The following ARHGAP15 variants were observed in gnomAD, a reference collection of about 807,000 sequenced individuals.
ARHGAP15 encodes Rho GTPase activating protein 15.
In ARHGAP15, 51 loss-of-function variants were observed where a neutral mutation model predicts 63.7. The observed-to-expected ratio is 0.80, with a 90% CI of 0.64 to 1.01. The LOEUF is 1.01. Among genes scored for constraint, ARHGAP15 ranks in the 50% least tolerant of loss-of-function variants. The pLI, the probability that ARHGAP15 is intolerant of heterozygous loss-of-function variation, is 0.00. For missense variants in ARHGAP15, 560 were observed against 564.6 expected (o/e 0.99, Z 0.08); for synonymous variants, 191 against 193.8 (o/e 0.99, Z 0.12).
At chr2:143,277,155 A>G (rs368654954) in intron 6 of ARHGAP15, among the ~76,000 whole-genome samples, 30 of 152,084 alleles carry the variant, frequency 2.0e-4, no homozygotes, top group East Asian at 1.4e-3. Context: ...CCCCTCTAGT[A>G]TGCCCAGGCA....
At chr2:143,465,710 A>T (rs61397287) in intron 8 of ARHGAP15, among the ~76,000 whole-genome samples, 14,617 of 152,022 alleles carry the variant, frequency 0.096, 876 homozygotes, top group African/African-American at 0.17. Flanking sequence ...AAGAAAAATA[A>T]GTTTTTTTTT....
At chr2:143,505,164 C>T (rs982872983) in intron 9 of ARHGAP15, among the ~76,000 whole-genome samples, 4 of 152,108 alleles carry the variant, frequency 2.6e-5, no homozygotes, top group African/African-American at 7.2e-5. Flanking sequence ...TGTGTTTTAC[C>T]AACTAATATC....
At chr2:143,627,965 T>C (rs1282828353) in intron 12 of ARHGAP15, among the ~76,000 whole-genome samples, 1 of 152,052 alleles carries the variant, frequency 6.6e-6, no homozygotes, top group Non-Finnish European at 1.5e-5. Context: ...GTTTTTCAAC[T>C]CTTGCTCACC....
chr2:143,410,420 A>T (rs1482177957), intron 6 of ARHGAP15, among the ~76,000 whole-genome samples: 1 of 152,210 alleles, frequency 6.6e-6, no homozygotes, highest in East Asian at 1.9e-4. Context: ...CAATACACCC[A>T]CTTTTATGTC....
At chr2:143,429,791 T>C (rs1035318696) in intron 6 of ARHGAP15, among the ~76,000 whole-genome samples, 3 of 152,138 alleles carry the variant, frequency 2.0e-5, no homozygotes, top group African/African-American at 7.2e-5. Flanking sequence ...TCAACATCTT[T>C]AGATATGTAG....
intron 6 of ARHGAP15, among the ~76,000 whole-genome samples, chr2:143,405,574 A>G (rs1319644973): frequency 6.6e-6 from 1 of 151,876 alleles, no homozygotes. Flanking sequence ...AATTCTCAGT[A>G]AGTTTTAGCT....
At chr2:143,765,525 G>T (rs567485423) in intron 13 of ARHGAP15, among the ~76,000 whole-genome samples, 29 of 152,250 alleles carry the variant, frequency 1.9e-4, no homozygotes, top group Non-Finnish European at 4.0e-4. Context: ...AGGTACAAAT[G>T]CTATCTGCTT....
At chr2:143,415,799 A>C (rs1036854410) in intron 6 of ARHGAP15, among the ~76,000 whole-genome samples, 2 of 152,318 alleles carry the variant, frequency 1.3e-5, no homozygotes, top group African/African-American at 4.8e-5. Context: ...AAGCCATAAA[A>C]ATGAATGAAT....
At chr2:143,244,331 A>G (rs768200648) in intron 5 of ARHGAP15, among the ~76,000 whole-genome samples, 1 of 152,218 alleles carries the variant, frequency 6.6e-6, no homozygotes, top group Non-Finnish European at 1.5e-5. Context: ...GAGTTGTAAC[A>G]CAGTATGTTT....
rs117724821 is a variant in ARHGAP15 at position 143,720,718 on chromosome 2, C to A, written c.1244+17194C>A. ...CACTAGCTTCCCTAAAAGAGGCACA[C>A]GACTTCCCAAACTTCAGTGTGCTCA... On this transcript the variant is annotated intron_variant, in intron 13 of 13. Coordinates refer to ENST00000295095, the MANE Select transcript of ARHGAP15 (RefSeq NM_018460.4). 2.6e-4 allele frequency among the ~76,000 whole-genome samples: 39 copies of A among 152,264 alleles called. 1 individual carries two copies. The East Asian group carries it at 7.2e-3, about 28-fold the overall frequency.
chr2:143,724,417 G>A (rs934855455), intron 13 of ARHGAP15, among the ~76,000 whole-genome samples: 13 of 152,214 alleles, frequency 8.5e-5, no homozygotes, highest in African/African-American at 2.6e-4. Flanking sequence ...GTTTCTTACC[G>A]CCCTGTCAGG....
intron 10 of ARHGAP15, among the ~76,000 whole-genome samples, chr2:143,531,719 A>C (rs1694532170): frequency 6.6e-6 from 1 of 152,210 alleles, no homozygotes; most frequent in Non-Finnish European, 1.5e-5. Flanking sequence ...TTACATGAGG[A>C]AAACAAAGAT....
intron 9 of ARHGAP15, among the ~76,000 whole-genome samples, chr2:143,494,319 A>T (rs1276340530): frequency 6.6e-6 from 1 of 152,024 alleles, no homozygotes; most frequent in African/African-American, 2.4e-5. Flanking sequence ...TTTAGCAATC[A>T]TGTTTTCAAT....
intron 7 of ARHGAP15, among the ~76,000 whole-genome samples, chr2:143,436,479 G>T: frequency 6.6e-6 from 1 of 152,260 alleles, no homozygotes; most frequent in South Asian, 2.1e-4. Context: ...GGGTGTGTGT[G>T]TGAATGTGTG....
chr2:143,462,983 A>G (rs536176051), intron 8 of ARHGAP15, among the ~76,000 whole-genome samples: 2 of 152,270 alleles, frequency 1.3e-5, no homozygotes, highest in South Asian at 4.1e-4. Flanking sequence ...TGCTTGTCCA[A>G]CCTGCAGCCC....
intron 13 of ARHGAP15, among the ~76,000 whole-genome samples, chr2:143,717,970 C>A (rs917933594): frequency 6.6e-6 from 1 of 151,762 alleles, no homozygotes. Flanking sequence ...AACAGGAAGC[C>A]GTGACAAGGT....
intron 12 of ARHGAP15, among the ~76,000 whole-genome samples, chr2:143,642,822 A>T (rs555986787): frequency 6.6e-6 from 1 of 152,266 alleles, no homozygotes; most frequent in East Asian, 1.9e-4. Flanking sequence ...GCTCCAGCCA[A>T]GCACTGACTC....
intron 1 of ARHGAP15, among the ~76,000 whole-genome samples, chr2:143,136,510 T>C (rs1304520146): frequency 6.6e-6 from 1 of 152,114 alleles, no homozygotes; most frequent in Non-Finnish European, 1.5e-5. Context: ...CATGTTTGAA[T>C]TAATTCAAGA....
At chr2:143,391,494 C>A (rs1367440965) in intron 6 of ARHGAP15, among the ~76,000 whole-genome samples, 2 of 152,062 alleles carry the variant, frequency 1.3e-5, no homozygotes, top group Non-Finnish European at 2.9e-5. Flanking sequence ...TTTTTATTTT[C>A]TTGGTTTTGG....
Sources: allele counts gnomAD v4.1 joint callset (sites outside exome capture counted in the v4.1 genomes callset), GRCh38; gene constraint gnomAD v4.1.1; transcripts MANE v1.5; gene names NCBI Gene and HGNC (gene_info 2026-07-23, HGNC 2026-07-21).